Variants in PIP4K2A observed in about 807,000 individuals in gnomAD.
PIP4K2A encodes the protein phosphatidylinositol 5-phosphate 4-kinase type-2 alpha.
In PIP4K2A, 14 loss-of-function variants were observed where a neutral mutation model predicts 42.9. The observed-to-expected ratio is 0.33, with a 90% CI of 0.22 to 0.51. The LOEUF is 0.51. PIP4K2A is among the 20% of genes least tolerant of loss of function. The pLI is 0.97. For missense variants in PIP4K2A, 434 were observed against 519.8 expected, an observed-to-expected ratio of 0.83 and a Z score of 1.61; for synonymous variants, 192 against 192.2, an observed-to-expected ratio of 1.00 and a Z score of 0.01.
At chr10:22,579,750 CAT>C (rs1464039832) in intron 4 of PIP4K2A, among the ~76,000 whole-genome samples, 2 of 151,630 alleles carry the variant, frequency 1.3e-5, no homozygotes, top group Non-Finnish European at 2.9e-5. Context: ...CTCTACTAAA[CAT>C]ATAAAAATCA....
intron 1 of PIP4K2A, among the ~76,000 whole-genome samples, chr10:22,649,018 T>A (rs1176051991): frequency 6.6e-6 from 1 of 152,224 alleles, no homozygotes; most frequent in East Asian, 1.9e-4. Flanking sequence ...CAGAAAGCAC[T>A]AATAAAAATA....
chr10:22,546,190 C>T (rs1187235255), intron 7 of PIP4K2A, among the ~76,000 whole-genome samples: 1 of 152,144 alleles, frequency 6.6e-6, no homozygotes, highest in Admixed American at 6.5e-5. Flanking sequence ...ATGCCACTCA[C>T]CTCACAGGGG....
At chr10:22,617,526 T>C (rs1405568317) in intron 1 of PIP4K2A, among the ~76,000 whole-genome samples, 1 of 152,228 alleles carries the variant, frequency 6.6e-6, no homozygotes, top group African/African-American at 2.4e-5. Flanking sequence ...AATACATAAT[T>C]AGTAATTGGT....
chr10:22,538,886 T>G (rs1185506933), intron 9 of PIP4K2A, among the ~76,000 whole-genome samples: 1 of 152,174 alleles, frequency 6.6e-6, no homozygotes, highest in Non-Finnish European at 1.5e-5. Context: ...CTTTGGCAAA[T>G]AGAATACTGT....
At chr10:22,709,608 G>C (rs1833881158) in intron 1 of PIP4K2A, among the ~76,000 whole-genome samples, 1 of 152,086 alleles carries the variant, frequency 6.6e-6, no homozygotes, top group Non-Finnish European at 1.5e-5. Flanking sequence ...AGGATACCCT[G>C]GAAATAGAAA....
At chr10:22,669,892 A>AT (rs1488861362) in intron 1 of PIP4K2A, among the ~76,000 whole-genome samples, 1 of 152,226 alleles carries the variant, frequency 6.6e-6, no homozygotes, top group Admixed American at 6.5e-5. Context: ...CAAGCTGACC[A>AT]TGATTACAGA....
chr10:22,540,887 G>T (rs528501373), intron 8 of PIP4K2A, among the ~76,000 whole-genome samples: 1 of 152,202 alleles, frequency 6.6e-6, no homozygotes, highest in African/African-American at 2.4e-5. Flanking sequence ...CCAAAAATAT[G>T]AACAGTAAGA....
At chr10:22,679,993 G>T (rs903919244) in intron 1 of PIP4K2A, among the ~76,000 whole-genome samples, 3 of 151,856 alleles carry the variant, frequency 2.0e-5, no homozygotes, top group African/African-American at 7.3e-5. Flanking sequence ...ATACATTTTA[G>T]TAAATATACT....
Position 22,541,839 on chromosome 10 carries a change from G to C in PIP4K2A, c.1001C>G (p.Pro334Arg), listed in dbSNP as rs561310438. The change falls in exon 8 of 10, where the codon CCG becomes CGG. Residue 334 changes from proline (P) to arginine (R), a missense_variant. Transcript: ENST00000376573. ...CTTAATTCCATAGACGTCGATGTTC[G>C]GATCGAACTCCCCGGGAGCCAGGGG... Reference protein sequence around the residue: ...SPPLAPGEFDPNIDVYGIKCH... With the variant: ...SPPLAPGEFDRNIDVYGIKCH... 4.4e-6 allele frequency: 7 copies of C among 1,580,112 alleles called. No homozygotes were observed. In the Admixed American group the frequency reaches 5.6e-5, roughly 13 times the overall value.
At chr10:22,640,215 A>C (rs1041749951) in intron 1 of PIP4K2A, among the ~76,000 whole-genome samples, 3 of 152,126 alleles carry the variant, frequency 2.0e-5, no homozygotes, top group African/African-American at 7.2e-5. Context: ...AGAATATTGA[A>C]AGAAAATGTT....
chr10:22,536,414 G>T lies in PIP4K2A; in HGVS notation c.*787C>A. ...TTTTCCTGGACATATTGGCCGAGGT[G>T]AAAAATGTATAGAGAATCACTGGGG... On this transcript the variant is annotated 3_prime_UTR_variant, in exon 10 of 10. Coordinates refer to ENST00000376573, the MANE Select transcript of PIP4K2A (RefSeq NM_005028.5). 3.7e-6 allele frequency: 1 copy of T among 271,018 alleles called. No individual in the cohort carries two copies. Among genetic ancestry groups the T allele is most frequent in the Non-Finnish European group, 6.9e-6 (1 of 145,798 alleles). 16.8% of individuals were successfully genotyped at this position (271,018 alleles called of 1,614,324 possible). A position where few individuals can be genotyped will look rare whatever the true frequency, so the allele number is the denominator to read the frequency against.
chr10:22,681,660 G>T (rs1839663365), intron 1 of PIP4K2A, among the ~76,000 whole-genome samples: 1 of 151,830 alleles, frequency 6.6e-6, no homozygotes, highest in African/African-American at 2.4e-5. Flanking sequence ...GTGTGACAGA[G>T]CAAGACCCTA....
At chr10:22,601,145 A>C (rs1326683293) in intron 3 of PIP4K2A, among the ~76,000 whole-genome samples, 4 of 133,258 alleles carry the variant, frequency 3.0e-5, no homozygotes, top group South Asian at 2.4e-4. Flanking sequence ...AAAAAAAAAA[A>C]AAAAAAAAAA....
At chr10:22,619,571 G>C (rs900413863) in intron 1 of PIP4K2A, among the ~76,000 whole-genome samples, 1 of 151,722 alleles carries the variant, frequency 6.6e-6, no homozygotes, top group Non-Finnish European at 1.5e-5. Context: ...CGAGTAGCTG[G>C]GACTACAGGT....
At chr10:22,606,144 CCA>C (rs1564439922) in intron 3 of PIP4K2A, among the ~76,000 whole-genome samples, 1 of 130,584 alleles carries the variant, frequency 7.7e-6, no homozygotes. Context: ...CCAATCTCTA[CCA>C]AAAAAAAAAA....
chr10:22,539,030 A>C (rs1292424442), intron 9 of PIP4K2A, among the ~76,000 whole-genome samples: 3 of 152,186 alleles, frequency 2.0e-5, no homozygotes, highest in Non-Finnish European at 2.9e-5. Context: ...AAACCAGGGA[A>C]TACATTCATC....
intron 6 of PIP4K2A, among the ~76,000 whole-genome samples, chr10:22,554,571 A>C (rs1012828837): frequency 6.6e-6 from 1 of 152,262 alleles, no homozygotes; most frequent in Non-Finnish European, 1.5e-5. Context: ...CCCAGGGCTA[A>C]CTAAAGACAG....
At chr10:22,580,735 C>T (rs941841471) in intron 4 of PIP4K2A, among the ~76,000 whole-genome samples, 1 of 152,208 alleles carries the variant, frequency 6.6e-6, no homozygotes, top group Non-Finnish European at 1.5e-5. Context: ...AATGCAGTCC[C>T]TTGGGGCCAC....
chr10:22,598,467 T>C (rs1383198630), intron 3 of PIP4K2A, among the ~76,000 whole-genome samples: 3 of 152,190 alleles, frequency 2.0e-5, no homozygotes, highest in African/African-American at 7.2e-5. Context: ...AAAAGGAGAA[T>C]TTAAAATTTC....
Sources: allele counts gnomAD v4.1 joint callset (sites outside exome capture counted in the v4.1 genomes callset), GRCh38; gene constraint gnomAD v4.1.1; transcripts MANE v1.5; gene names NCBI Gene and HGNC (gene_info 2026-07-23, HGNC 2026-07-21).